Variants in NUP98 observed in about 807,000 individuals in gnomAD.
NUP98 encodes nuclear pore complex protein Nup98-Nup96.
In NUP98, 26 loss-of-function variants were observed where a neutral mutation model predicts 191.9. The observed-to-expected ratio is 0.14, with a 90% CI of 0.10 to 0.19. The LOEUF (loss-of-function observed/expected upper bound fraction) is 0.19. Ranked by LOEUF, NUP98 falls within the 10% of genes least tolerant of loss-of-function variation. NUP98 has a pLI of 1.00. For missense variants in NUP98, 1,941 were observed against 2,178.8 expected, an observed-to-expected ratio of 0.89 and a Z score of 2.17; for synonymous variants, 808 against 778.4, an observed-to-expected ratio of 1.04 and a Z score of -0.63.
chr11:3,770,945 C>T (rs1239680464), intron 7 of NUP98, among the ~76,000 whole-genome samples: 1 of 152,132 alleles, frequency 6.6e-6, no homozygotes, highest in East Asian at 1.9e-4. Context: ...TCACTGCAAC[C>T]TCTGCCTCCC....
intron 1 of NUP98, among the ~76,000 whole-genome samples, chr11:3,790,479 G>A (rs890011559): frequency 6.6e-6 from 1 of 152,134 alleles, no homozygotes; most frequent in African/African-American, 2.4e-5. Context: ...ACTTCTTCCA[G>A]GGGTTCAATG....
chr11:3,704,330 G>A (rs889491252), intron 22 of NUP98, among the ~76,000 whole-genome samples: 1 of 152,174 alleles, frequency 6.6e-6, no homozygotes, highest in African/African-American at 2.4e-5. Context: ...GTTCTTTGCT[G>A]ATATTAAAAC....
intron 19 of NUP98, among the ~76,000 whole-genome samples, chr11:3,713,233 C>T (rs1281416110): frequency 6.6e-6 from 1 of 152,176 alleles, no homozygotes; most frequent in Admixed American, 6.5e-5. Context: ...TTACTGAAGT[C>T]CCTAATGATG....
At chr11:3,700,905 A>G in intron 23 of NUP98, 66 bp from the exon 24 acceptor site, 2 of 1,030,924 alleles carry the variant, frequency 1.9e-6, no homozygotes, top group Non-Finnish European at 2.9e-6. Flanking sequence ...TTTTTACTTC[A>G]ACCAAACCAC....
intron 12 of NUP98, among the ~76,000 whole-genome samples, chr11:3,742,097 T>C (rs575458624): frequency 3.9e-5 from 6 of 152,272 alleles, no homozygotes; most frequent in African/African-American, 1.4e-4. Context: ...TAGAGAATAA[T>C]CAGAGTCCAC....
At chr11:3,737,321 CAAAAAAAAA>C (rs34718372) in intron 12 of NUP98, among the ~76,000 whole-genome samples, 19 of 111,946 alleles carry the variant, frequency 1.7e-4, no homozygotes, top group Admixed American at 1.4e-3. Context: ...GCAGTAATAA[CAAAAAAAAA>C]AAAAAAAAAA....
At chr11:3,724,450 A>T (rs552237044) in intron 15 of NUP98, among the ~76,000 whole-genome samples, 1,021 of 66,620 alleles carry the variant, frequency 0.015, 12 homozygotes, top group African/African-American at 0.069. Flanking sequence ...AAAAAAAAAT[A>T]AATAAATAAA....
chr11:3,699,438 C>T (rs1024041617), intron 24 of NUP98, 90 bp from the exon 25 acceptor site: 2 of 1,408,388 alleles, frequency 1.4e-6, no homozygotes, highest in African/African-American at 1.4e-5. Context: ...GTTAAAAATA[C>T]ATAAATTAAT....
At chr11:3,746,240 G>A (rs1481493780) in intron 11 of NUP98, among the ~76,000 whole-genome samples, 3 of 127,820 alleles carry the variant, frequency 2.3e-5, no homozygotes, top group African/African-American at 3.1e-5. Flanking sequence ...TTGCACTCCA[G>A]CCTGGGCAAC....
chr11:3,776,829 G>A (rs1304872353), intron 4 of NUP98, among the ~76,000 whole-genome samples: 1 of 152,006 alleles, frequency 6.6e-6, no homozygotes, highest in African/African-American at 2.4e-5. Context: ...GTACTTCCAG[G>A]CTCACAACTT....
At chr11:3,764,984 C>T (rs1376505846) in intron 8 of NUP98, among the ~76,000 whole-genome samples, 1 of 152,176 alleles carries the variant, frequency 6.6e-6, no homozygotes, top group Non-Finnish European at 1.5e-5. Flanking sequence ...CATATTATCA[C>T]ACCACTTACA....
rs939329605 is a variant in NUP98, at chr11:3,676,757, G to A, written c.5074-137C>T. On this transcript the variant is annotated intron_variant, in intron 31 of 32. Coordinates refer to ENST00000324932, the MANE Select transcript of NUP98 (RefSeq NM_016320.5). Reference sequence around the variant, plus strand: ...ATCCAAGATGATGACACAGGGCCAAGCCACCACCATCTAGTGGAGGACAAG... The same window carrying A: ...ATCCAAGATGATGACACAGGGCCAAACCACCACCATCTAGTGGAGGACAAG... 1.7e-5 allele frequency: 13 copies of A among 781,530 alleles called. No individual in the cohort carries two copies. The Admixed American group carries it at 1.9e-4, about 11-fold the overall frequency. The allele number at this position is 781,530 out of a possible 1,614,324, so 48.4% of individuals were successfully genotyped here.
At chr11:3,725,526 C>T (rs563142331) in intron 14 of NUP98, among the ~76,000 whole-genome samples, 4 of 152,344 alleles carry the variant, frequency 2.6e-5, no homozygotes, top group African/African-American at 9.6e-5. Flanking sequence ...ACTTCGTTCA[C>T]TCATCACACT....
At chr11:3,694,757 A>G (rs2078447747) in intron 26 of NUP98, among the ~76,000 whole-genome samples, 1 of 151,990 alleles carries the variant, frequency 6.6e-6, no homozygotes, top group Non-Finnish European at 1.5e-5. Flanking sequence ...AAAAAAAAAA[A>G]AATGCTGCAG....
chr11:3,736,024 C>T (rs973479651), intron 12 of NUP98, among the ~76,000 whole-genome samples: 3 of 149,596 alleles, frequency 2.0e-5, no homozygotes, highest in African/African-American at 7.4e-5. Context: ...ACCTCAGACT[C>T]CCAAGTAGCT....
At position 3,693,381 on chromosome 11, in the gene NUP98, CG is replaced by C. The variant is rs755887222; in HGVS notation, c.4168-7del. 1.2e-6 allele frequency: 2 copies of C among 1,613,600 alleles called. No individual in the cohort carries two copies. Among genetic ancestry groups the C allele is most frequent in the Admixed American group, 1.7e-5 (1 of 59,978 alleles). ...TTTTCTGAGAGCTGCCACACCTGTGCGAAACAAAATCATCACCATGGCTATA... is the reference window on the plus strand; with the variant it reads ...TTTTCTGAGAGCTGCCACACCTGTGCAAACAAAATCATCACCATGGCTATA... On this transcript the variant is annotated splice_region_variant and splice_polypyrimidine_tract_variant and intron_variant, in intron 26 of 32. Transcript: ENST00000324932.
chr11:3,794,918 T>A (rs1024187650), intron 1 of NUP98, among the ~76,000 whole-genome samples: 7 of 152,192 alleles, frequency 4.6e-5, no homozygotes, highest in Admixed American at 4.6e-4. Flanking sequence ...CAGCCAATAC[T>A]TATCCTTAAA....
In NUP98 at chr11:3,746,294, A is replaced by AAAAAAACG. The variant is rs144936005; in HGVS notation, c.1268-1646_1268-1645insCGTTTTTT. On this transcript the variant is annotated intron_variant, in intron 11 of 32. Transcript: ENST00000324932. ...CAAAAAAAAAAAAAAAAAAAAAAAAAGACAGCTTTGGGACAAAGAATAAGA... is the reference window on the plus strand; with the variant it reads ...CAAAAAAAAAAAAAAAAAAAAAAAAAAAAAAACGGACAGCTTTGGGACAAAGAATAAGA... Among the ~76,000 whole-genome samples the AAAAAAACG allele has an allele frequency of 7.8e-4, 73 of 93,098 alleles. 4 individuals carry two copies. Among genetic ancestry groups the AAAAAAACG allele is most frequent in the Middle Eastern group, 8.1e-3 (1 of 124 alleles). The allele number at this position is 93,098 out of a possible 152,430, so 61.1% of individuals were successfully genotyped here.
At chr11:3,696,312 G>A (rs566160026) in intron 25 of NUP98, among the ~76,000 whole-genome samples, 5 of 152,224 alleles carry the variant, frequency 3.3e-5, no homozygotes, top group Admixed American at 2.0e-4. Context: ...GACCAACCTC[G>A]CCAACATGAT....
Sources: allele counts gnomAD v4.1 joint callset (sites outside exome capture counted in the v4.1 genomes callset), GRCh38; gene constraint gnomAD v4.1.1; transcripts MANE v1.5; gene names NCBI Gene and HGNC (gene_info 2026-07-23, HGNC 2026-07-21).